UBE2E2: variants seen among roughly 807,000 people sequenced by gnomAD.
The protein encoded by UBE2E2 is ubiquitin-conjugating enzyme E2 E2.
In UBE2E2, 6 loss-of-function variants were observed where a neutral mutation model predicts 24.7. That is an observed-to-expected ratio of 0.24 (90% CI 0.13 to 0.48). The LOEUF is 0.48. Among genes scored for constraint, UBE2E2 ranks in the 20% least tolerant of loss-of-function variants. The pLI, the probability that UBE2E2 is intolerant of heterozygous loss-of-function variation, is 0.99. For synonymous variants in UBE2E2, 104 were observed against 83.6 expected (o/e 1.24, Z -1.33); for missense variants, 169 against 245.0 (o/e 0.69, Z 2.07).
chr3:23,217,814 ACTCT>A (rs1250240858), intron 3 of UBE2E2, among the ~76,000 whole-genome samples: 3 of 151,962 alleles, frequency 2.0e-5, no homozygotes, highest in African/African-American at 4.8e-5. Context: ...TAAATGTAAA[ACTCT>A]CTCTCCCTTT....
intron 3 of UBE2E2, among the ~76,000 whole-genome samples, chr3:23,458,994 G>A (rs1234649716): frequency 6.6e-6 from 1 of 152,184 alleles, no homozygotes; most frequent in East Asian, 1.9e-4. Context: ...TATCATGTGT[G>A]CATTCTGATT....
At chr3:23,267,638 T>C (rs1698087575) in intron 3 of UBE2E2, among the ~76,000 whole-genome samples, 2 of 152,032 alleles carry the variant, frequency 1.3e-5, no homozygotes, top group Admixed American at 6.5e-5. Flanking sequence ...AAGGAGGAAC[T>C]GGTACCATTC....
chr3:23,418,064 A>T (rs1159391258), intron 3 of UBE2E2, among the ~76,000 whole-genome samples: 2 of 152,080 alleles, frequency 1.3e-5, no homozygotes, highest in African/African-American at 4.8e-5. Flanking sequence ...CAGGGGAGTG[A>T]ACGGTTCTGT....
intron 3 of UBE2E2, among the ~76,000 whole-genome samples, chr3:23,278,689 C>G (rs1048740216): frequency 6.6e-6 from 1 of 151,936 alleles, no homozygotes; most frequent in Non-Finnish European, 1.5e-5. Flanking sequence ...CCTTTCAAAA[C>G]GTATTGAGCA....
rs1220669633 is a variant in UBE2E2 at position 23,562,123 on chromosome 3, G to A, written c.509-27611G>A. Among the ~76,000 whole-genome samples the A allele has an allele frequency of 7.2e-5, 11 of 152,198 alleles. No individual in the cohort carries two copies. In the East Asian group the frequency reaches 2.1e-3, roughly 29 times the overall value. On this transcript the variant is annotated intron_variant, in intron 5 of 5. Transcript: ENST00000396703. ...ACACTATGTTGAATAGGAGTGGTGG[G>A]AGAGGGCATCCCTGTCTTGTGCTAG...
chr3:23,553,236 A>G (rs1466342806), intron 5 of UBE2E2, among the ~76,000 whole-genome samples: 1 of 152,118 alleles, frequency 6.6e-6, no homozygotes, highest in Non-Finnish European at 1.5e-5. Context: ...TATGATAGAA[A>G]CCTTTGGTCA....
intron 3 of UBE2E2, among the ~76,000 whole-genome samples, chr3:23,346,705 T>G (rs1449763428): frequency 6.6e-6 from 1 of 152,210 alleles, no homozygotes; most frequent in South Asian, 2.1e-4. Context: ...ATTAGAAAAA[T>G]GTAGACTTTT....
At chr3:23,206,545 ATCTGTT>A (rs1443036499) in intron 1 of UBE2E2, among the ~76,000 whole-genome samples, 1 of 152,050 alleles carries the variant, frequency 6.6e-6, no homozygotes, top group Non-Finnish European at 1.5e-5. Context: ...GTTGGGGCAG[ATCTGTT>A]TCTGTTTGGC....
chr3:23,325,806 C>T (rs1027597112), intron 3 of UBE2E2, among the ~76,000 whole-genome samples: 1 of 152,216 alleles, frequency 6.6e-6, no homozygotes, highest in African/African-American at 2.4e-5. Flanking sequence ...ATAAAAATAA[C>T]TAGGGAGCCC....
chr3:23,398,318 AAAAAAC>A (rs1697129823), intron 3 of UBE2E2, among the ~76,000 whole-genome samples: 2 of 151,482 alleles, frequency 1.3e-5, no homozygotes, highest in South Asian at 2.1e-4. Flanking sequence ...ATCTCAAAAA[AAAAAAC>A]AAAAAAAAAC....
At position 23,229,943 on chromosome 3, in the gene UBE2E2, A is replaced by T. The variant is rs187983849; in HGVS notation, c.227+12631A>T. 2.0e-5 allele frequency among the ~76,000 whole-genome samples: 3 copies of T among 152,340 alleles called. No individual in the cohort carries two copies. In the East Asian group the frequency reaches 5.8e-4, roughly 29 times the overall value. ...AGGTTAAACTTATAAGTATATGCTT[A>T]AACTTATGTTTATATTGGGTAAGAG... On this transcript the variant is annotated intron_variant, in intron 3 of 5. Transcript: ENST00000396703.
At chr3:23,491,928 T>C (rs1699505781) in intron 3 of UBE2E2, among the ~76,000 whole-genome samples, 2 of 151,924 alleles carry the variant, frequency 1.3e-5, no homozygotes, top group African/African-American at 4.8e-5. Context: ...TCAACAGGAT[T>C]TGGGGGACTT....
intron 5 of UBE2E2, among the ~76,000 whole-genome samples, chr3:23,538,181 C>T (rs997978314): frequency 2.6e-5 from 4 of 152,088 alleles, no homozygotes; most frequent in African/African-American, 9.7e-5. Context: ...CTTCTGATGC[C>T]TATGGCTTTT....
intron 5 of UBE2E2, among the ~76,000 whole-genome samples, chr3:23,567,498 C>G (rs190607594): frequency 6.6e-6 from 1 of 152,228 alleles, no homozygotes; most frequent in Admixed American, 6.5e-5. Flanking sequence ...CATGGGGAAT[C>G]TGGAAGACCA....
intron 4 of UBE2E2, among the ~76,000 whole-genome samples, chr3:23,530,177 G>A (rs1695089654): frequency 6.6e-6 from 1 of 152,140 alleles, no homozygotes; most frequent in African/African-American, 2.4e-5. Context: ...TTGTGGCTTA[G>A]CATGGGATCA....
chr3:23,427,866 C>T (rs1382934608), intron 3 of UBE2E2, among the ~76,000 whole-genome samples: 4 of 152,118 alleles, frequency 2.6e-5, no homozygotes, highest in Non-Finnish European at 4.4e-5. Context: ...TTCAAGAAGA[C>T]GTAGCAATCC....
At chr3:23,249,589 G>A (rs944317498) in intron 3 of UBE2E2, among the ~76,000 whole-genome samples, 3 of 152,032 alleles carry the variant, frequency 2.0e-5, no homozygotes, top group East Asian at 1.9e-4. Context: ...GAAAATAAAT[G>A]TGTAGATTAA....
intron 3 of UBE2E2, among the ~76,000 whole-genome samples, chr3:23,382,471 C>A (rs558681356): frequency 6.6e-6 from 1 of 152,060 alleles, no homozygotes; most frequent in Non-Finnish European, 1.5e-5. Flanking sequence ...GATAAGCCAC[C>A]GTGCCCGGCC....
intron 3 of UBE2E2, among the ~76,000 whole-genome samples, chr3:23,219,374 T>C (rs1364871265): frequency 1.3e-5 from 2 of 152,202 alleles, no homozygotes; most frequent in Non-Finnish European, 2.9e-5. Context: ...ATCACTGTGG[T>C]CTTTGGACTG....
Sources: gnomAD v4.1 joint callset for allele counts (sites outside exome capture counted in the v4.1 genomes callset) on GRCh38, gnomAD v4.1.1 for gene constraint, MANE v1.5 for transcripts, NCBI Gene and HGNC (gene_info 2026-07-23, HGNC 2026-07-21) for gene names.